The following PALMD variants were observed in gnomAD, a reference collection of about 807,000 sequenced individuals.
The protein encoded by PALMD is palmdelphin, also known as paralemmin-like protein.
A neutral mutation model predicts 56.2 loss-of-function variants in PALMD; 42 were observed. The observed-to-expected ratio is 0.75, with a 90% confidence interval of 0.58 to 0.97. PALMD has a LOEUF of 0.97. Among genes scored for constraint, PALMD ranks in the 50% least tolerant of loss-of-function variants. The pLI is 0.00. For missense variants in PALMD, 660 were observed against 643.8 expected (o/e 1.03, Z -0.27); for synonymous variants, 242 against 222.9 (o/e 1.09, Z -0.76).
chr1:99,691,485 A>T (rs1288479411), intron 7 of PALMD, among the ~76,000 whole-genome samples: 1 of 152,136 alleles, frequency 6.6e-6, no homozygotes, highest in Non-Finnish European at 1.5e-5. Flanking sequence ...TTATCAATCA[A>T]AGTATCTTAT....
At chr1:99,678,018 G>C (rs1653252117) in intron 3 of PALMD, among the ~76,000 whole-genome samples, 1 of 152,004 alleles carries the variant, frequency 6.6e-6, no homozygotes, top group African/African-American at 2.4e-5. Flanking sequence ...ACACCCAAAT[G>C]GACCTGCTAG....
chr1:99,650,785 G>GA (rs1350639837), intron 1 of PALMD, among the ~76,000 whole-genome samples: 1 of 152,158 alleles, frequency 6.6e-6, no homozygotes, highest in Non-Finnish European at 1.5e-5. Flanking sequence ...ACAAACCCAA[G>GA]AAGTCAGCCC....
intron 1 of PALMD, among the ~76,000 whole-genome samples, chr1:99,653,749 C>T (rs2100854343): frequency 6.6e-6 from 1 of 152,256 alleles, no homozygotes; most frequent in South Asian, 2.1e-4. Flanking sequence ...CCAAAAAACC[C>T]TTTTCCATTT....
intron 1 of PALMD, among the ~76,000 whole-genome samples, chr1:99,659,786 G>T (rs933286900): frequency 5.9e-5 from 9 of 152,152 alleles, no homozygotes; most frequent in Admixed American, 2.6e-4. Flanking sequence ...CTTAAAATAG[G>T]ATCATGCCTA....
chr1:99,678,298 T>G (rs1374924916), intron 3 of PALMD, among the ~76,000 whole-genome samples: 2 of 151,942 alleles, frequency 1.3e-5, no homozygotes, highest in African/African-American at 4.8e-5. Context: ...AGAGACAAGG[T>G]TTCACCATGT....
Position 99,667,894 on chromosome 1 carries a change from T to C in PALMD, c.251+128T>C, listed in dbSNP as rs546528591. 149 of 909,714 alleles carry C rather than the reference T, an allele frequency of 1.6e-4. No individual in the cohort carries two copies. In the African/African-American group the frequency reaches 2.1e-3, roughly 13 times the overall value. 56.4% of individuals were successfully genotyped at this position (909,714 alleles called of 1,614,324 possible). A position where few individuals can be genotyped will look rare whatever the true frequency, so the allele number is the denominator to read the frequency against. On this transcript the variant is annotated intron_variant, in intron 3 of 7. Coordinates refer to ENST00000263174, the MANE Select transcript of PALMD (RefSeq NM_017734.5). ...TCCATTTGAATTTCTTTTTTTTTTTTTTAAGGCACGCTTTCACACTGTCAC... is the reference window on the plus strand; with the variant it reads ...TCCATTTGAATTTCTTTTTTTTTTTCTTAAGGCACGCTTTCACACTGTCAC...
chr1:99,667,902 A>T, intron 3 of PALMD, 136 bp downstream of exon 3: 2 of 753,432 alleles, frequency 2.7e-6, no homozygotes, highest in Admixed American at 5.0e-5. Context: ...TTTTTAAGGC[A>T]CGCTTTCACA....
chr1:99,660,076 C>T (rs1652812685), intron 1 of PALMD, among the ~76,000 whole-genome samples: 1 of 152,222 alleles, frequency 6.6e-6, no homozygotes, highest in African/African-American at 2.4e-5. Context: ...ACAAAACATG[C>T]TCTTCTCTAT....
At chr1:99,673,936 T>TA (rs1653146502) in intron 3 of PALMD, among the ~76,000 whole-genome samples, 1 of 152,110 alleles carries the variant, frequency 6.6e-6, no homozygotes, top group South Asian at 2.1e-4. Context: ...GAGGACCAGC[T>TA]AAAGAAGCCT....
chr1:99,676,677 T>C (rs913513454), intron 3 of PALMD, among the ~76,000 whole-genome samples: 4 of 152,146 alleles, frequency 2.6e-5, no homozygotes, highest in Admixed American at 2.6e-4. Context: ...CTTAAGATAA[T>C]GATTTTATTT....
chr1:99,686,663 T>C lies in PALMD; in HGVS notation c.252-13T>C. On this transcript the variant is annotated splice_polypyrimidine_tract_variant and intron_variant, in intron 3 of 7. Coordinates refer to ENST00000263174, the MANE Select transcript of PALMD (RefSeq NM_017734.5). ...TGTGTTAAGCAATAAAAAGTATACC[T>C]TTTTGTTGTCAGGCTTGAGAAAGAG... 1 of 1,424,478 alleles carries C rather than the reference T, an allele frequency of 7.0e-7. No individual in the cohort carries two copies. 88.2% of individuals were successfully genotyped at this position (1,424,478 alleles called of 1,614,324 possible). A position where few individuals can be genotyped will look rare whatever the true frequency, so the allele number is the denominator to read the frequency against.
intron 1 of PALMD, among the ~76,000 whole-genome samples, chr1:99,654,535 T>A (rs990875895): frequency 3.9e-5 from 6 of 152,110 alleles, no homozygotes; most frequent in African/African-American, 1.4e-4. Flanking sequence ...ACAGAAAAGC[T>A]ATCATATACT....
chr1:99,683,047 A>G (rs1571073117), intron 3 of PALMD, among the ~76,000 whole-genome samples: 1 of 13,582 alleles, frequency 7.4e-5, no homozygotes, highest in East Asian at 3.6e-3. Context: ...AAAGAAAGAA[A>G]GAAAGAAAGA....
chr1:99,681,768 C>A (rs978173188), intron 3 of PALMD, among the ~76,000 whole-genome samples: 2 of 152,122 alleles, frequency 1.3e-5, no homozygotes, highest in African/African-American at 4.8e-5. Flanking sequence ...GTCAGCAGCA[C>A]CCCTCACCCT....
chr1:99,647,323 A>G (rs1237704366), intron 1 of PALMD, among the ~76,000 whole-genome samples: 2 of 152,162 alleles, frequency 1.3e-5, no homozygotes, highest in Non-Finnish European at 2.9e-5. Context: ...TAGATCAGGG[A>G]TTTTTTGTTG....
At chr1:99,682,703 G>A (rs1292711709) in intron 3 of PALMD, among the ~76,000 whole-genome samples, 2 of 151,782 alleles carry the variant, frequency 1.3e-5, no homozygotes, top group Non-Finnish European at 2.9e-5. Flanking sequence ...AAAAGAAAGG[G>A]GCAGAGACAG....
chr1:99,674,903 T>C (rs1469315496), intron 3 of PALMD, among the ~76,000 whole-genome samples: 1 of 152,254 alleles, frequency 6.6e-6, no homozygotes, highest in Non-Finnish European at 1.5e-5. Context: ...AAAGGATCTG[T>C]GCTGCCTGCC....
At position 99,689,865 on chromosome 1, in the gene PALMD, C is replaced by G. The variant is rs777891831; in HGVS notation, c.1605C>G (p.Ser535=). ...CTGGAGATGGGACTGAGGATCCATCCTTAACAGGTAATAAAAATGACAAGG... is the reference window on the plus strand; with the variant it reads ...CTGGAGATGGGACTGAGGATCCATCGTTAACAGGTAATAAAAATGACAAGG... ...QTTGDGTEDP[S]LTALRMRMAK... The change falls in exon 7 of 8, where the codon TCC becomes TCG. Residue 535 remains serine, a synonymous_variant. Coordinates refer to ENST00000263174, the MANE Select transcript of PALMD (RefSeq NM_017734.5). 6.3e-7 allele frequency: 1 copy of G among 1,596,416 alleles called. No individual in the cohort carries two copies. The highest frequency in any genetic ancestry group is 1.1e-5 in the South Asian group (1 of 88,606).
At position 99,679,042 on chromosome 1, in the gene PALMD, G is replaced by A. The variant is rs150120519; in HGVS notation, c.252-7634G>A. Among the ~76,000 whole-genome samples, 624 of 151,760 alleles carry A rather than the reference G, an allele frequency of 4.1e-3. 4 individuals carry two copies. The highest frequency in any genetic ancestry group is 7.3e-3 in the Non-Finnish European group (495 of 67,946). ...GGGGTTTGGTCCTAGCACTTCCATC[G>A]ACCGGCCTCAGAGGCACATCAGTAG... On this transcript the variant is annotated intron_variant, in intron 3 of 7. Transcript: ENST00000263174.
Sources: gnomAD v4.1 joint callset for allele counts (sites outside exome capture counted in the v4.1 genomes callset) on GRCh38, gnomAD v4.1.1 for gene constraint, MANE v1.5 for transcripts, NCBI Gene and HGNC (gene_info 2026-07-23, HGNC 2026-07-21) for gene names.